The following WASHC5 variants were observed in gnomAD, a reference collection of about 807,000 sequenced individuals.
WASHC5 encodes WASH complex subunit strumpellin.
A neutral mutation model predicts 150.4 loss-of-function variants in WASHC5; 101 were observed. That is an observed-to-expected ratio of 0.67 (90% CI 0.57 to 0.79). The LOEUF is 0.79. Ranked by LOEUF, WASHC5 falls within the 30% of genes least tolerant of loss-of-function variation. WASHC5 has a pLI of 0.00. For missense variants in WASHC5, 1,195 were observed against 1,396.3 expected, an observed-to-expected ratio of 0.86 and a Z score of 2.30; for synonymous variants, 467 against 491.2, an observed-to-expected ratio of 0.95 and a Z score of 0.65.
In WASHC5 at chr8:125,078,783, G is replaced by A. The variant is rs367837906; in HGVS notation, c.666C>T (p.Ile222=). Residue 222 remains isoleucine (I), a synonymous_variant, in exon 6 of 29, where the codon ATC becomes ATT. Coordinates refer to ENST00000318410, the MANE Select transcript of WASHC5 (RefSeq NM_014846.4). ...ATCTCAGTCGACCAATGACCATACT[G>A]ATGAAGGATTCGTTGATAGGCACTC... The part of the protein sequence containing the change: ...FQRVPINESF[I]SMVIGRLRSD... 7.4e-6 allele frequency: 12 copies of A among 1,613,968 alleles called. No homozygotes were observed. Among genetic ancestry groups the A allele is most frequent in the Middle Eastern group, 3.3e-4 (2 of 6,062 alleles).
At chr8:125,039,992 G>A in intron 23 of WASHC5, 94 bp from the exon 24 acceptor site, 1 of 784,676 alleles carries the variant, frequency 1.3e-6, no homozygotes. Flanking sequence ...TCTTCACTGG[G>A]CCTTCACATC....
chr8:125,041,518 G>A (rs750140911), intron 23 of WASHC5, among the ~76,000 whole-genome samples: 1 of 152,106 alleles, frequency 6.6e-6, no homozygotes, highest in Non-Finnish European at 1.5e-5. Context: ...GTGGACACCT[G>A]TAATCCCAGA....
Position 125,038,928 on chromosome 8 carries a change from G to C in WASHC5, c.2986C>G (p.Gln996Glu). The change falls in exon 25 of 29, where the codon CAG (glutamine) becomes GAG (glutamate). Residue 996 changes from glutamine to glutamate, a missense_variant. By Grantham distance (29) the Gln-to-Glu change is conservative. Transcript: ENST00000318410. ...ALLADIEAHY[Q>E]DPSLPYPKED... is the part of the protein sequence containing the mutation. ...TTGGGGTAAGGAAGTGAAGGGTCCT[G>C]ATAGTGGGCTTCAATGTCTGCTAGG... The C allele has an allele frequency of 6.2e-7, 1 of 1,613,958 alleles. No homozygotes were observed. The highest frequency in any genetic ancestry group is 8.5e-7 in the Non-Finnish European group (1 of 1,179,810).
At position 125,032,231 on chromosome 8, in the gene WASHC5, T is replaced by C. The variant is rs1296456281; in HGVS notation, c.3335+10A>G. ...AGAAGTCCCACGTAGTCCTGGTTGGTCTTCTGTACCTTGTACACTGCTCCA... is the reference window on the plus strand; with the variant it reads ...AGAAGTCCCACGTAGTCCTGGTTGGCCTTCTGTACCTTGTACACTGCTCCA... On this transcript the variant is annotated intron_variant, in intron 27 of 28. Transcript: ENST00000318410. 2 of 1,614,050 alleles carry C rather than the reference T, an allele frequency of 1.2e-6. No individual in the cohort carries two copies. The highest frequency in any genetic ancestry group is 1.1e-5 in the South Asian group (1 of 91,084).
chr8:125,068,089 C>A (rs561327586), intron 9 of WASHC5, among the ~76,000 whole-genome samples: 1 of 152,142 alleles, frequency 6.6e-6, no homozygotes, highest in East Asian at 1.9e-4. Context: ...CCTGTCTGTT[C>A]GGAGTTGCTT....
At position 125,059,544 on chromosome 8, in the gene WASHC5, T is replaced by G. The variant is rs778632535; in HGVS notation, c.1522-2A>C. 6.2e-7 allele frequency: 1 copy of G among 1,610,912 alleles called. No homozygotes were observed. ...TTCCAACTGGTGGAATTCTTGAACC[T>G]GTGTTACAGAAATATACTTAATTTA... On this transcript the variant is annotated splice_acceptor_variant, in intron 12 of 28. Transcript: ENST00000318410. LOFTEE classifies it high-confidence loss of function.
At chr8:125,055,708 C>A in intron 16 of WASHC5, 37 bp from the exon 17 acceptor site, 1 of 1,200,392 alleles carries the variant, frequency 8.3e-7, no homozygotes, top group South Asian at 1.2e-5. Context: ...AAATCACTGT[C>A]TAATAGTCCT....
intron 7 of WASHC5, 31 bp from the exon 8 acceptor site, chr8:125,075,142 A>G: frequency 7.5e-7 from 1 of 1,324,904 alleles, no homozygotes; most frequent in Non-Finnish European, 1.1e-6. Flanking sequence ...AATTTGTTAA[A>G]TTCCTACTCA....
chr8:125,081,923 G>A (rs1352383545), intron 4 of WASHC5, among the ~76,000 whole-genome samples, 162 bp from the exon 5 acceptor site: 1 of 152,228 alleles, frequency 6.6e-6, no homozygotes, highest in African/African-American at 2.4e-5. Context: ...CCTTCTTGCC[G>A]AATGGGCCTT....
chr8:125,059,163 G>T, intron 14 of WASHC5, 59 bp downstream of exon 14: 1 of 1,165,974 alleles, frequency 8.6e-7, no homozygotes, highest in Non-Finnish European at 1.3e-6. Context: ...TAATGAATGA[G>T]GTATGAATGA....
At chr8:125,074,577 C>T (rs957123383) in intron 8 of WASHC5, among the ~76,000 whole-genome samples, 1 of 152,122 alleles carries the variant, frequency 6.6e-6, no homozygotes, top group Non-Finnish European at 1.5e-5. Flanking sequence ...TTTAGCACAA[C>T]ACAAATGATA....
intron 9 of WASHC5, among the ~76,000 whole-genome samples, chr8:125,070,710 T>C (rs1267455156): frequency 6.6e-6 from 1 of 152,184 alleles, no homozygotes; most frequent in Non-Finnish European, 1.5e-5. Flanking sequence ...TAAAAACAGA[T>C]TCAGGGATTA....
chr8:125,083,262 A>AG lies in WASHC5; in HGVS notation c.187-5dup, dbSNP rs1563637182. The stretch of plus-strand genomic sequence containing the variant: ...TGCTTTCCCATAATTCTGGACCCTG[A>AG]GAAAAAAAAACACATGTGAAATGTC... On this transcript the variant is annotated splice_polypyrimidine_tract_variant and splice_region_variant and intron_variant, in intron 2 of 28. Transcript: ENST00000318410. 1 of 1,611,580 alleles carries AG rather than the reference A, an allele frequency of 6.2e-7. No individual in the cohort carries two copies. Among genetic ancestry groups the AG allele is most frequent in the Non-Finnish European group, 8.5e-7 (1 of 1,178,382 alleles).
At chr8:125,063,034 T>C (rs1323936521) in intron 11 of WASHC5, among the ~76,000 whole-genome samples, 1 of 152,170 alleles carries the variant, frequency 6.6e-6, no homozygotes, top group Non-Finnish European at 1.5e-5. Context: ...AGCAGGTGCA[T>C]TCGTGAACAA....
At chr8:125,049,322 G>A in intron 18 of WASHC5, 137 bp from the exon 19 acceptor site, 1 of 882,126 alleles carries the variant, frequency 1.1e-6, no homozygotes, top group Non-Finnish European at 1.8e-6. Context: ...ACTTTGGGAG[G>A]CTTAGGCAGG....
intron 9 of WASHC5, among the ~76,000 whole-genome samples, chr8:125,068,614 C>T (rs1207520263): frequency 3.3e-5 from 5 of 152,158 alleles, no homozygotes; most frequent in African/African-American, 1.2e-4. Context: ...ATCACTGAAG[C>T]CAGAGTGGTC....
chr8:125,024,522 G>T lies in WASHC5; in HGVS notation c.*95C>A. 2 of 923,092 alleles carry T rather than the reference G, an allele frequency of 2.2e-6. No individual in the cohort carries two copies. The highest frequency in any genetic ancestry group is 1.7e-5 in the Admixed American group (1 of 57,184). The allele number at this position is 923,092 out of a possible 1,614,324, so 57.2% of individuals were successfully genotyped here. ...CATAATAGACAGAAAAAATGCAGTT[G>T]TATGAGCAACTGAGTTTCTTTTCAT... is the stretch of plus-strand genomic sequence containing the variant. On this transcript the variant is annotated 3_prime_UTR_variant, in exon 29 of 29. Transcript: ENST00000318410.
intron 8 of WASHC5, among the ~76,000 whole-genome samples, chr8:125,074,332 C>G (rs1178505319): frequency 6.6e-6 from 1 of 152,172 alleles, no homozygotes. Flanking sequence ...ATTCAATTTA[C>G]TTGAATAAAA....
chr8:125,067,624 C>G lies in WASHC5; in HGVS notation c.1246G>C (p.Asp416His). The G allele has an allele frequency of 6.2e-7, 1 of 1,612,806 alleles. No individual in the cohort carries two copies. Among genetic ancestry groups the G allele is most frequent in the Non-Finnish European group, 8.5e-7 (1 of 1,178,968 alleles). Residue 416 changes from aspartate to histidine, a missense_variant, in exon 10 of 29, where the codon GAT becomes CAT. Asp to His is a moderately conservative substitution (Grantham distance 81). Transcript: ENST00000318410. ...NPRILFQLLL[D>H]TAQFEFILKE... Reference sequence around the variant, plus strand: ...AGTATAAACTCAAATTGTGCAGTATCTAACAGCAGCTGGAAGAGGATCCTG... The same window carrying G: ...AGTATAAACTCAAATTGTGCAGTATGTAACAGCAGCTGGAAGAGGATCCTG...
Sources: allele counts gnomAD v4.1 joint callset (sites outside exome capture counted in the v4.1 genomes callset), GRCh38; gene constraint gnomAD v4.1.1; transcripts MANE v1.5; gene names NCBI Gene and HGNC (gene_info 2026-07-23, HGNC 2026-07-21).